ZMYND19: variants seen among roughly 807,000 people sequenced by gnomAD.
The protein encoded by ZMYND19 is zinc finger MYND-type containing 19.
A neutral mutation model predicts 32.0 loss-of-function variants in ZMYND19; 17 were observed. That is an observed-to-expected ratio of 0.53 (90% CI 0.36 to 0.80). The LOEUF (loss-of-function observed/expected upper bound fraction) is 0.80. Ranked by LOEUF, ZMYND19 falls within the 30% of genes least tolerant of loss-of-function variation. ZMYND19 has a pLI of 0.00. For missense variants in ZMYND19, 250 were observed against 293.6 expected, an observed-to-expected ratio of 0.85 and a Z score of 1.09; for synonymous variants, 124 against 113.6, an observed-to-expected ratio of 1.09 and a Z score of -0.58.
At chr9:137,583,264 AC>A in intron 4 of ZMYND19, 101 bp from the exon 5 acceptor site, 1 of 1,335,168 alleles carries the variant, frequency 7.5e-7, no homozygotes, top group Non-Finnish European at 1.0e-6. Context: ...TGCCCAGGAC[AC>A]CCAGCCCGAG....
chr9:137,584,134 G>C (rs1842178246), intron 4 of ZMYND19, among the ~76,000 whole-genome samples: 2 of 152,384 alleles, frequency 1.3e-5, no homozygotes, highest in African/African-American at 4.8e-5. Context: ...GCCCACACTG[G>C]CCAGCTCTGA....
At chr9:137,587,178 C>A in intron 3 of ZMYND19, 71 bp from the exon 4 acceptor site, 1 of 1,566,376 alleles carries the variant, frequency 6.4e-7, no homozygotes, top group South Asian at 1.2e-5. Context: ...CATTTCTGGT[C>A]AGGTACCAAA....
At chr9:137,588,351 C>T (rs918748802) in intron 2 of ZMYND19, among the ~76,000 whole-genome samples, 1 of 152,230 alleles carries the variant, frequency 6.6e-6, no homozygotes, top group Non-Finnish European at 1.5e-5. Flanking sequence ...ACATGGTCCA[C>T]GTGACACAAT....
Position 137,587,692 on chromosome 9 carries a change from G to A in ZMYND19, c.218+25C>T, listed in dbSNP as rs746952033. On this transcript the variant is annotated intron_variant, in intron 3 of 5. Coordinates refer to ENST00000298585, the MANE Select transcript of ZMYND19 (RefSeq NM_138462.3). The stretch of plus-strand genomic sequence containing the variant: ...TCACCCAGGAGCCCAGTGGCGGGGG[G>A]CAGAGACAGCTTGGAAACACCCACC... 14 of 1,606,018 alleles carry A rather than the reference G, an allele frequency of 8.7e-6. 2 individuals carry two copies. The South Asian group carries it at 1.1e-4, about 13-fold the overall frequency.
At chr9:137,586,037 C>T (rs1842200362) in intron 4 of ZMYND19, among the ~76,000 whole-genome samples, 1 of 152,258 alleles carries the variant, frequency 6.6e-6, no homozygotes, top group African/African-American at 2.4e-5. Context: ...TGGCTCTTCC[C>T]AAGGGCTCCA....
rs749099115 is a variant in ZMYND19, at chr9:137,582,573, G to A, written c.654C>T (p.Pro218=). ...HKKHCRERKR[P]FQHELEPER ...GCTCTGGCTCAAGCTCATGCTGGAA[G>A]GGACGCTTCCTCTCCCGACAGTGCT... The change falls in exon 6 of 6, where the codon CCC becomes CCT. Residue 218 remains proline, a synonymous_variant. Coordinates refer to ENST00000298585, the MANE Select transcript of ZMYND19 (RefSeq NM_138462.3). 1 of 1,613,158 alleles carries A rather than the reference G, an allele frequency of 6.2e-7. No individual in the cohort carries two copies. Among genetic ancestry groups the A allele is most frequent in the South Asian group, 1.1e-5 (1 of 91,064 alleles).
At position 137,589,039 on chromosome 9, in the gene ZMYND19, T is replaced by C. The variant is rs1588975203; in HGVS notation, c.52-321A>G. On this transcript the variant is annotated intron_variant, in intron 1 of 5. Coordinates refer to ENST00000298585, the MANE Select transcript of ZMYND19 (RefSeq NM_138462.3). ...TGAACATTCAACGCACCAATAAACC[T>C]AGGCAAAGACTGTTTCACTGAGCTG... is the stretch of plus-strand genomic sequence containing the variant. 3 of 306,126 alleles carry C rather than the reference T, an allele frequency of 9.8e-6. No individual in the cohort carries two copies. The South Asian group carries it at 1.7e-4, about 17-fold the overall frequency. 19.0% of individuals were successfully genotyped at this position (306,126 alleles called of 1,614,324 possible). A position where few individuals can be genotyped will look rare whatever the true frequency, so the allele number is the denominator to read the frequency against.
Position 137,583,026 on chromosome 9 carries a change from T to C in ZMYND19, c.497A>G (p.Tyr166Cys). 6.2e-7 allele frequency: 1 copy of C among 1,614,202 alleles called. No individual in the cohort carries two copies. Among genetic ancestry groups the C allele is most frequent in the Non-Finnish European group, 8.5e-7 (1 of 1,180,018 alleles). ...VVEEEENSCT[Y>C]YECHYPPCTV... The stretch of plus-strand genomic sequence containing the variant: ...GCAGGGAGGGTAGTGGCACTCATAG[T>C]AGGTGCAAGAGTTCTCCTCCTCTTC... Residue 166 changes from tyrosine to cysteine, a missense_variant, in exon 5 of 6, where the codon TAC (tyrosine) becomes TGC (cysteine). By Grantham distance (194) the Tyr-to-Cys change is radical (BLOSUM62 -2). Coordinates refer to ENST00000298585, the MANE Select transcript of ZMYND19 (RefSeq NM_138462.3).
chr9:137,590,222 C>A lies in ZMYND19; in HGVS notation c.42G>T (p.Val14=). The change falls in exon 1 of 6, where the codon GTG becomes GTT. Residue 14 remains valine, a synonymous_variant. Transcript: ENST00000298585. The surrounding 1 kb of genome is among the most constrained non-coding windows in gnomAD (Gnocchi z 4.2). Reference sequence around the variant, plus strand: ...GCTCCGCGCCGCTCACCTTCCCGGCCACCCGGCCGAGCCGCACGATACCCA... The same window carrying A: ...GCTCCGCGCCGCTCACCTTCCCGGCAACCCGGCCGAGCCGCACGATACCCA... ...FKLGIVRLGR[V]AGKTKYTLID... 1 of 1,137,796 alleles carries A rather than the reference C, an allele frequency of 8.8e-7. No homozygotes were observed. The highest frequency in any genetic ancestry group is 1.1e-6 in the Non-Finnish European group (1 of 913,438). The allele number at this position is 1,137,796 out of a possible 1,614,324, so 70.5% of individuals were successfully genotyped here. A position where few individuals can be genotyped will look rare whatever the true frequency, so the allele number is the denominator to read the frequency against.
chr9:137,588,858 A>G, intron 1 of ZMYND19, 140 bp from the exon 2 acceptor site: 1 of 865,450 alleles, frequency 1.2e-6, no homozygotes, highest in South Asian at 1.5e-5. Flanking sequence ...AGACCAAGAC[A>G]GCTCAGCACA....
intron 1 of ZMYND19, chr9:137,588,944 C>T: frequency 1.9e-6 from 1 of 539,220 alleles, no homozygotes; most frequent in South Asian, 2.3e-5. Flanking sequence ...AGCCAGCTGC[C>T]CACTTTAGTC....
chr9:137,588,636 AG>A (rs1348715961), intron 2 of ZMYND19, 22 bp downstream of exon 2: 1 of 1,613,740 alleles, frequency 6.2e-7, no homozygotes, highest in Middle Eastern at 1.7e-4. Context: ...GCATCAGGGG[AG>A]GGAACAGCCA....
chr9:137,582,274 CA>C lies in ZMYND19; in HGVS notation c.*268del, dbSNP rs1178665456. On this transcript the variant is annotated 3_prime_UTR_variant, in exon 6 of 6. Transcript: ENST00000298585. ...TCTACCCTTCCCATTGCCTCCCCCCCAAAAAAAACTGTACATGAGTTTACAA... is the reference window on the plus strand; with the variant it reads ...TCTACCCTTCCCATTGCCTCCCCCCCAAAAAAACTGTACATGAGTTTACAA... 1.1e-4 allele frequency: 37 copies of C among 347,402 alleles called. No individual in the cohort carries two copies. The highest frequency in any genetic ancestry group is 1.3e-4 in the Non-Finnish European group (26 of 192,722). The allele number at this position is 347,402 out of a possible 1,614,324, so 21.5% of individuals were successfully genotyped here. A position where few individuals can be genotyped will look rare whatever the true frequency, so the allele number is the denominator to read the frequency against.
intron 1 of ZMYND19, chr9:137,589,940 C>T (rs892202936): frequency 1.0e-6 from 1 of 985,244 alleles, no homozygotes; most frequent in Non-Finnish European, 1.2e-6. Context: ...GCACCCGGCT[C>T]GGGACAGGGC....
At position 137,582,334 on chromosome 9, in the gene ZMYND19, G is replaced by A. The variant is rs1842155729; in HGVS notation, c.*209C>T. 1 of 612,514 alleles carries A rather than the reference G, an allele frequency of 1.6e-6. No individual in the cohort carries two copies. Among genetic ancestry groups the A allele is most frequent in the African/African-American group, 1.9e-5 (1 of 53,920 alleles). The allele number at this position is 612,514 out of a possible 1,614,324, so 37.9% of individuals were successfully genotyped here. On this transcript the variant is annotated 3_prime_UTR_variant, in exon 6 of 6. Coordinates refer to ENST00000298585, the MANE Select transcript of ZMYND19 (RefSeq NM_138462.3). The stretch of plus-strand genomic sequence containing the variant: ...ACATATAAATAATGAGAACCGTCCT[G>A]GTGGGAGCCTCCTCCGTTGTCTCTG...
chr9:137,589,691 G>A, intron 1 of ZMYND19: 1 of 985,472 alleles, frequency 1.0e-6, no homozygotes, highest in Non-Finnish European at 1.2e-6. Flanking sequence ...GCCTAACGTG[G>A]CCAACCCCTG....
chr9:137,583,491 G>C (rs937903829), intron 4 of ZMYND19, among the ~76,000 whole-genome samples: 3 of 152,218 alleles, frequency 2.0e-5, no homozygotes, highest in Non-Finnish European at 4.4e-5. Context: ...TTGACCTGCA[G>C]AGGTGCCCAT....
intron 4 of ZMYND19, among the ~76,000 whole-genome samples, chr9:137,585,421 A>G (rs1474439046): frequency 6.9e-6 from 1 of 145,252 alleles, no homozygotes; most frequent in Non-Finnish European, 1.5e-5. Flanking sequence ...TCTCAAAAAA[A>G]AAAAAAAAAA....
chr9:137,587,285 G>A, intron 3 of ZMYND19, 178 bp from the exon 4 acceptor site: 2 of 1,041,756 alleles, frequency 1.9e-6, no homozygotes, highest in Non-Finnish European at 2.7e-6. Flanking sequence ...AGAAACCCAA[G>A]CACCTGATCT....
Sources: gnomAD v4.1 joint callset for allele counts (sites outside exome capture counted in the v4.1 genomes callset) on GRCh38, gnomAD v4.1.1 for gene constraint, Gnocchi (gnomAD v3.1) non-coding constraint, MANE v1.5 for transcripts, NCBI Gene and HGNC (gene_info 2026-07-23, HGNC 2026-07-21) for gene names.